The following TLK1 variants were observed in gnomAD, a reference collection of about 807,000 sequenced individuals.
TLK1 encodes tousled like kinase 1.
A neutral mutation model predicts 105.3 loss-of-function variants in TLK1; 24 were observed. The observed-to-expected ratio is 0.23, with a 90% CI of 0.17 to 0.32. The LOEUF is 0.32. Ranked by LOEUF, TLK1 falls within the 10% of genes least tolerant of loss-of-function variation. The pLI is 1.00. For missense variants in TLK1, 558 were observed against 910.5 expected (o/e 0.61, Z 4.98); for synonymous variants, 321 against 310.4 (o/e 1.03, Z -0.36).
intron 2 of TLK1, among the ~76,000 whole-genome samples, chr2:171,103,264 T>TA (rs1689768316): frequency 7.3e-6 from 1 of 136,466 alleles, no homozygotes; most frequent in African/African-American, 3.1e-5. Context: ...GATCTCAAAT[T>TA]TATATATATA....
intron 1 of TLK1, among the ~76,000 whole-genome samples, chr2:171,123,913 A>AT (rs34195016): frequency 0.26 from 39,936 of 152,070 alleles, 5,477 homozygotes; most frequent in Middle Eastern, 0.35. Flanking sequence ...AAATATTGAT[A>AT]TTAACCCACA....
At chr2:171,197,994 A>G (rs1357052527) in intron 1 of TLK1, among the ~76,000 whole-genome samples, 1 of 152,160 alleles carries the variant, frequency 6.6e-6, no homozygotes, top group East Asian at 1.9e-4. Context: ...GTGGATAGAC[A>G]TGATGTGTCC....
At chr2:171,190,163 G>A (rs2105313132) in intron 1 of TLK1, among the ~76,000 whole-genome samples, 1 of 152,272 alleles carries the variant, frequency 6.6e-6, no homozygotes, top group African/African-American at 2.4e-5. Context: ...AGTGTTGCTG[G>A]AGTGGCAAGG....
intron 1 of TLK1, among the ~76,000 whole-genome samples, chr2:171,144,416 T>C (rs1008358525): frequency 2.0e-5 from 3 of 152,184 alleles, no homozygotes; most frequent in African/African-American, 7.2e-5. Context: ...AGATGATCTA[T>C]GCTAGACCAT....
At chr2:171,057,234 TG>T (rs1174145283) in intron 5 of TLK1, among the ~76,000 whole-genome samples, 1 of 152,048 alleles carries the variant, frequency 6.6e-6, no homozygotes. Flanking sequence ...AAAGTTCCTC[TG>T]GGGGTGTAGA....
At chr2:171,172,974 G>C (rs1316391682) in intron 1 of TLK1, among the ~76,000 whole-genome samples, 1 of 152,142 alleles carries the variant, frequency 6.6e-6, no homozygotes, top group Non-Finnish European at 1.5e-5. Context: ...CACTTTAACT[G>C]TATAACATAC....
intron 1 of TLK1, among the ~76,000 whole-genome samples, chr2:171,118,714 A>C (rs889429237): frequency 6.6e-6 from 1 of 152,238 alleles, no homozygotes; most frequent in Non-Finnish European, 1.5e-5. Context: ...GACATAAATG[A>C]ATGGCTCTCA....
intron 4 of TLK1, among the ~76,000 whole-genome samples, chr2:171,060,822 T>C (rs533655053): frequency 3.0e-4 from 45 of 152,082 alleles, no homozygotes; most frequent in Non-Finnish European, 4.4e-4. Flanking sequence ...ATACAATACA[T>C]ATAAAGAATG....
chr2:171,127,708 A>G (rs1018390961), intron 1 of TLK1, among the ~76,000 whole-genome samples: 2 of 152,160 alleles, frequency 1.3e-5, no homozygotes, highest in African/African-American at 4.8e-5. Context: ...TTCCAAAGGA[A>G]AATGTCCCAA....
In TLK1 at chr2:171,006,973, TGTG is replaced by T. The variant is rs1684680318; in HGVS notation, c.1504_1506del (p.His502del). On this transcript the variant is annotated inframe_deletion and splice_region_variant, in exon 15 of 21. Transcript: ENST00000431350. ...AAACCATAAAGTATTAGTATTTACT[TGTG>T]GTAGTTTTCTTTCTTCTCATCTCTC... The T allele has an allele frequency of 6.2e-7, 1 of 1,608,396 alleles. No homozygotes were observed. The highest frequency in any genetic ancestry group is 1.1e-5 in the South Asian group (1 of 89,986).
chr2:171,014,719 G>A, intron 13 of TLK1, 132 bp downstream of exon 13: 1 of 670,500 alleles, frequency 1.5e-6, no homozygotes, highest in South Asian at 2.0e-5. Flanking sequence ...GGCCTTCCAA[G>A]CCATGGGAAG....
intron 2 of TLK1, among the ~76,000 whole-genome samples, chr2:171,106,412 T>C (rs1050372760): frequency 2.0e-5 from 3 of 152,216 alleles, no homozygotes; most frequent in African/African-American, 7.2e-5. Context: ...ATCTGATCAT[T>C]ATGCATTGTC....
chr2:171,018,955 A>C (rs62168976), intron 12 of TLK1, among the ~76,000 whole-genome samples: 3,572 of 152,322 alleles, frequency 0.023, 55 homozygotes, highest in Non-Finnish European at 0.037. Context: ...AAAAACTACA[A>C]TGGAAAATTT....
At position 171,142,836 on chromosome 2, in the gene TLK1, T is replaced by C. The variant is rs540152806; in HGVS notation, c.139+17454A>G. 7.2e-5 allele frequency among the ~76,000 whole-genome samples: 11 copies of C among 152,350 alleles called. No individual in the cohort carries two copies. The East Asian group carries it at 2.1e-3, about 29-fold the overall frequency. Reference sequence around the variant, plus strand: ...AAGGAATGTTTACCCAAAAAGACCATATGTTGAACCATAAAGCAAGTCTCA... The same window carrying C: ...AAGGAATGTTTACCCAAAAAGACCACATGTTGAACCATAAAGCAAGTCTCA... On this transcript the variant is annotated intron_variant, in intron 1 of 20. Coordinates refer to ENST00000431350, the MANE Select transcript of TLK1 (RefSeq NM_012290.5).
In TLK1 at chr2:170,993,487, A is replaced by C. The variant is rs1683882374; in HGVS notation, c.*293T>G. 3.9e-6 allele frequency: 1 copy of C among 258,806 alleles called. No individual in the cohort carries two copies. The highest frequency in any genetic ancestry group is 7.2e-6 in the Non-Finnish European group (1 of 139,316). 16.0% of individuals were successfully genotyped at this position (258,806 alleles called of 1,614,324 possible). ...TTTACAGTGTTCCCCCAAATAAACA[A>C]AATTTTTTTCCTCTATCTTAACATG... On this transcript the variant is annotated 3_prime_UTR_variant, in exon 21 of 21. Coordinates refer to ENST00000431350, the MANE Select transcript of TLK1 (RefSeq NM_012290.5).
At chr2:171,181,529 A>T (rs374449219) in intron 1 of TLK1, among the ~76,000 whole-genome samples, 17 of 152,294 alleles carry the variant, frequency 1.1e-4, no homozygotes, top group African/African-American at 3.8e-4. Context: ...TGCAGTCCAT[A>T]CAAGAAGCAT....
intron 1 of TLK1, among the ~76,000 whole-genome samples, chr2:171,186,436 G>A (rs1693026336): frequency 6.6e-6 from 1 of 152,196 alleles, no homozygotes; most frequent in Non-Finnish European, 1.5e-5. Context: ...AATGATGGGA[G>A]TAAAAGCCCT....
intron 1 of TLK1, among the ~76,000 whole-genome samples, chr2:171,158,347 C>CATAAATTATTA (rs1692315920): frequency 3.9e-5 from 6 of 152,128 alleles, no homozygotes; most frequent in African/African-American, 1.4e-4. Flanking sequence ...GTAATCTAAA[C>CATAAATTATTA]TGCCGGAAAA....
intron 20 of TLK1, 108 bp from the exon 21 acceptor site, chr2:170,994,064 C>A: frequency 8.3e-7 from 1 of 1,198,702 alleles, no homozygotes; most frequent in Non-Finnish European, 1.1e-6. Flanking sequence ...AAGTAGATCT[C>A]ATTTTATTGG....
Sources: allele counts gnomAD v4.1 joint callset (sites outside exome capture counted in the v4.1 genomes callset), GRCh38; gene constraint gnomAD v4.1.1; transcripts MANE v1.5; gene names NCBI Gene and HGNC (gene_info 2026-07-23, HGNC 2026-07-21).